NIPA1: variants seen among roughly 807,000 people sequenced by gnomAD.
The protein encoded by NIPA1 is magnesium transporter NIPA1.
In NIPA1, 13 loss-of-function variants were observed where a neutral mutation model predicts 23.9. That is an observed-to-expected ratio of 0.54 (90% CI 0.35 to 0.87). The LOEUF (loss-of-function observed/expected upper bound fraction) is 0.87, where lower values mean the gene tolerates loss of function less well. Among genes scored for constraint, NIPA1 ranks in the 40% least tolerant of loss-of-function variants. The pLI, the probability that NIPA1 is intolerant of heterozygous loss-of-function variation, is 0.01. For synonymous variants in NIPA1, 234 were observed against 202.9 expected, an observed-to-expected ratio of 1.15 and a Z score of -1.30; for missense variants, 362 against 429.7, an observed-to-expected ratio of 0.84 and a Z score of 1.39.
At chr15:22,823,376 A>G (rs1895581875) in intron 4 of NIPA1, among the ~76,000 whole-genome samples, 1 of 151,216 alleles carries the variant, frequency 6.6e-6, no homozygotes, top group Non-Finnish European at 1.5e-5. Flanking sequence ...TAATTTTTGT[A>G]CTTTTAGTAG....
chr15:22,824,464 C>T lies in NIPA1; in HGVS notation c.*225C>T. The T allele has an allele frequency of 3.6e-6, 2 of 561,394 alleles. No homozygotes were observed. Among genetic ancestry groups the T allele is most frequent in the South Asian group, 4.4e-5 (2 of 45,524 alleles). 34.8% of individuals were successfully genotyped at this position (561,394 alleles called of 1,614,324 possible). ...AACGGTTGCCTGGCACCATCTCTCT[C>T]TGATGAGACGAATCTCATTTTCATT... On this transcript the variant is annotated 3_prime_UTR_variant, in exon 5 of 5. Transcript: ENST00000337435. The surrounding 1 kb of genome is among the most constrained non-coding windows in gnomAD (Gnocchi z 4.1).
chr15:22,792,702 C>A (rs572892600), intron 1 of NIPA1, among the ~76,000 whole-genome samples: 1 of 152,206 alleles, frequency 6.6e-6, no homozygotes, highest in African/African-American at 2.4e-5. Context: ...ACCTGTAATC[C>A]CAGCACTTTA....
Position 22,823,833 on chromosome 15 carries a change from G to T in NIPA1, c.584G>T (p.Cys195Phe). The change falls in exon 5 of 5, where the codon TGC (cysteine) becomes TTC (phenylalanine). Residue 195 changes from cysteine (C) to phenylalanine (F), a missense_variant. Cys to Phe is a radical substitution (Grantham distance 205, BLOSUM62 -2). Coordinates refer to ENST00000337435, the MANE Select transcript of NIPA1 (RefSeq NM_144599.5). ...PTNIMVYISICSLLGSFTVPS... is the reference protein window; with the variant it reads ...PTNIMVYISIFSLLGSFTVPS... Reference sequence around the variant, plus strand: ...AACATCATGGTCTACATCAGCATCTGCTCCTTGCTGGGCAGTTTCACCGTG... The same window carrying T: ...AACATCATGGTCTACATCAGCATCTTCTCCTTGCTGGGCAGTTTCACCGTG... 1 of 1,614,144 alleles carries T rather than the reference G, an allele frequency of 6.2e-7. No homozygotes were observed. The highest frequency in any genetic ancestry group is 8.5e-7 in the Non-Finnish European group (1 of 1,179,998).
intron 1 of NIPA1, among the ~76,000 whole-genome samples, chr15:22,797,209 T>C (rs1253447545): frequency 2.0e-5 from 2 of 99,496 alleles, no homozygotes; most frequent in Admixed American, 9.1e-5. Flanking sequence ...CCGGCTAATA[T>C]ATTTGGGTTT....
intron 1 of NIPA1, among the ~76,000 whole-genome samples, chr15:22,803,544 T>C (rs56211992): frequency 5.4e-4 from 73 of 135,730 alleles, no homozygotes; most frequent in Non-Finnish European, 9.1e-4. Flanking sequence ...AGTCTCACTC[T>C]GTTGCGTAGG....
In NIPA1 at chr15:22,825,415, T is replaced by C. The variant is rs1326921965; in HGVS notation, c.*1176T>C. ...AAGACTAAAGACACATTAGAGCAAA[T>C]TGACCCCTTTAACATGTGATTATTG... On this transcript the variant is annotated 3_prime_UTR_variant, in exon 5 of 5. Coordinates refer to ENST00000337435, the MANE Select transcript of NIPA1 (RefSeq NM_144599.5). 6.6e-6 allele frequency: 1 copy of C among 152,206 alleles called. No individual in the cohort carries two copies. The highest frequency in any genetic ancestry group is 6.5e-5 in the Admixed American group (1 of 15,276). 9.4% of individuals were successfully genotyped at this position (152,206 alleles called of 1,614,324 possible). A position where few individuals can be genotyped will look rare whatever the true frequency, so the allele number is the denominator to read the frequency against.
chr15:22,795,427 T>G (rs1397577068), intron 1 of NIPA1, among the ~76,000 whole-genome samples: 1 of 152,056 alleles, frequency 6.6e-6, no homozygotes, highest in Non-Finnish European at 1.5e-5. Context: ...GTCAACTCAG[T>G]GCCGGACAGG....
At chr15:22,807,402 G>T (rs1042168090) in intron 1 of NIPA1, among the ~76,000 whole-genome samples, 3 of 152,062 alleles carry the variant, frequency 2.0e-5, no homozygotes, top group Non-Finnish European at 4.4e-5. Flanking sequence ...TTCACAAAAC[G>T]TCCTGACCAA....
upstream of NIPA1, chr15:22,786,327 GAT>G (rs1431090692): frequency 2.0e-5 from 3 of 152,504 alleles, no homozygotes. Context: ...CCGCTGCCCG[GAT>G]ATTGCAGAGG....
intron 3 of NIPA1, among the ~76,000 whole-genome samples, chr15:22,816,313 C>A (rs1291118156): frequency 6.8e-6 from 1 of 148,040 alleles, no homozygotes; most frequent in Admixed American, 6.8e-5. Context: ...CTCAGCCTCC[C>A]GAGTAGCTGG....
Position 22,829,202 on chromosome 15 carries a change from C to T in NIPA1, c.*4963C>T, listed in dbSNP as rs906138357. On this transcript the variant is annotated 3_prime_UTR_variant, in exon 5 of 5. Coordinates refer to ENST00000337435, the MANE Select transcript of NIPA1 (RefSeq NM_144599.5). ...GTGTGATGTGCTCCTGACATTCGGC[C>T]GAGGTCTGTATTCTGAAAAAGATTT... 3 of 152,098 alleles carry T rather than the reference C, an allele frequency of 2.0e-5. No homozygotes were observed. Among genetic ancestry groups the T allele is most frequent in the Non-Finnish European group, 4.4e-5 (3 of 68,020 alleles). The allele number at this position is 152,098 out of a possible 1,614,324, so 9.4% of individuals were successfully genotyped here.
intron 3 of NIPA1, among the ~76,000 whole-genome samples, chr15:22,818,921 T>C (rs1002747413): frequency 2.0e-5 from 3 of 152,186 alleles, no homozygotes; most frequent in Non-Finnish European, 4.4e-5. Context: ...TTTCCCATCT[T>C]GGCATAGTCC....
At chr15:22,814,084 T>C (rs994723819) in intron 3 of NIPA1, 3 of 1,277,958 alleles carry the variant, frequency 2.3e-6, no homozygotes, top group African/African-American at 3.0e-5. Flanking sequence ...CATCTGCAGG[T>C]GTTACTCACT....
At chr15:22,801,430 A>G (rs1366460989) in intron 1 of NIPA1, among the ~76,000 whole-genome samples, 1 of 151,056 alleles carries the variant, frequency 6.6e-6, no homozygotes. Flanking sequence ...TGGTGGGGGA[A>G]AGGATGAGAG....
chr15:22,807,804 G>GTGTGTGTGTGTGTGTGTGTGTGTGTGT (rs1895240688), intron 1 of NIPA1, among the ~76,000 whole-genome samples: 12 of 150,690 alleles, frequency 8.0e-5, no homozygotes, highest in African/African-American at 2.4e-4. Context: ...GTGTGTGTGT[G>GTGTGTGTGTGTGTGTGTGTGTGTGTGT]ATGGAGTCTC....
At chr15:22,786,597 C>G, upstream of NIPA1, 1 of 685,544 alleles carries the variant, frequency 1.5e-6, no homozygotes. Flanking sequence ...CGGTCACCCC[C>G]CATCCCGCCC....
chr15:22,818,090 C>T (rs572668402), intron 3 of NIPA1, among the ~76,000 whole-genome samples: 14 of 152,122 alleles, frequency 9.2e-5, no homozygotes, highest in Admixed American at 4.6e-4. Flanking sequence ...ATTGAAAACT[C>T]GTGGGAGAAA....
chr15:22,805,992 C>T (rs536211624), intron 1 of NIPA1, among the ~76,000 whole-genome samples: 12 of 152,016 alleles, frequency 7.9e-5, no homozygotes, highest in African/African-American at 2.4e-4. Flanking sequence ...GGCGCGATCT[C>T]GGCTCACTGC....
Position 22,812,269 on chromosome 15 carries a change from G to T in NIPA1, c.317+16G>T. ...TACCGTTCGGGTGAGAGCCAAGATT[G>T]TGTTTGGTATTTAATGTGTAGTGTA... On this transcript the variant is annotated intron_variant, in intron 3 of 4. Transcript: ENST00000337435. 1 of 1,577,448 alleles carries T rather than the reference G, an allele frequency of 6.3e-7. No individual in the cohort carries two copies. The highest frequency in any genetic ancestry group is 8.7e-7 in the Non-Finnish European group (1 of 1,146,796).
Sources: gnomAD v4.1 joint callset for allele counts (sites outside exome capture counted in the v4.1 genomes callset) on GRCh38, gnomAD v4.1.1 for gene constraint, Gnocchi (gnomAD v3.1) non-coding constraint, MANE v1.5 for transcripts, NCBI Gene and HGNC (gene_info 2026-07-23, HGNC 2026-07-21) for gene names.